The following PPP1R37 variants were observed in gnomAD, a reference collection of about 807,000 sequenced individuals.
PPP1R37 encodes leucine rich repeat containing 68.
A neutral mutation model predicts 61.0 loss-of-function variants in PPP1R37; 21 were observed. The ratio of observed to expected loss-of-function variants is 0.34; its 90% confidence interval spans 0.24 to 0.50. PPP1R37 has a LOEUF of 0.50. Ranked by LOEUF, PPP1R37 falls within the 20% of genes least tolerant of loss-of-function variation. PPP1R37 has a pLI of 0.98. For missense variants in PPP1R37, 910 were observed against 952.7 expected (o/e 0.96, Z 0.59); for synonymous variants, 443 against 433.5 (o/e 1.02, Z -0.27).
Position 45,142,063 on chromosome 19 carries a change from G to T in PPP1R37, c.570G>T (p.Thr190=). The change falls in exon 6 of 13, where the codon ACG becomes ACT. Residue 190 remains threonine, a splice_region_variant and synonymous_variant. Coordinates refer to ENST00000221462, the MANE Select transcript of PPP1R37 (RefSeq NM_019121.2). ...WQAAAHMMRK[T]SCLQYLDARN... is the part of the protein sequence containing the mutation. ...CCCCTGTCCTCTTGCCCCTGCAGAC[G>T]AGCTGCCTGCAGTATCTGGACGCCC... 6.6e-7 allele frequency: 1 copy of T among 1,514,856 alleles called. No homozygotes were observed. The highest frequency in any genetic ancestry group is 8.8e-7 in the Non-Finnish European group (1 of 1,134,322). 93.8% of individuals were successfully genotyped at this position (1,514,856 alleles called of 1,614,324 possible).
intron 1 of PPP1R37, among the ~76,000 whole-genome samples, chr19:45,102,934 T>C (rs1432331078): frequency 6.6e-6 from 1 of 152,120 alleles, no homozygotes; most frequent in Non-Finnish European, 1.5e-5. Context: ...CTGTTTCAGC[T>C]AAGAGGAGGT....
chr19:45,131,397 C>G (rs1968475206), intron 1 of PPP1R37, among the ~76,000 whole-genome samples: 1 of 152,224 alleles, frequency 6.6e-6, no homozygotes, highest in Non-Finnish European at 1.5e-5. Context: ...TCAGGCCAGA[C>G]AAGGGAGCCG....
intron 1 of PPP1R37, among the ~76,000 whole-genome samples, chr19:45,131,431 C>T (rs1273758219): frequency 2.0e-5 from 3 of 152,244 alleles, no homozygotes; most frequent in African/African-American, 7.2e-5. Flanking sequence ...GCTGTGGTTT[C>T]AGGTCAAGAC....
At chr19:45,117,372 C>T (rs531557901) in intron 1 of PPP1R37, among the ~76,000 whole-genome samples, 5 of 152,244 alleles carry the variant, frequency 3.3e-5, no homozygotes, top group East Asian at 1.9e-4. Flanking sequence ...GTGGGCGAGC[C>T]GAGGGTGAGC....
At chr19:45,094,462 C>T (rs2122701468) in intron 1 of PPP1R37, among the ~76,000 whole-genome samples, 1 of 152,186 alleles carries the variant, frequency 6.6e-6, no homozygotes, top group Middle Eastern at 3.4e-3. Context: ...TGCATTGGCT[C>T]AGGCGTGTAA....
intron 1 of PPP1R37, among the ~76,000 whole-genome samples, chr19:45,093,871 A>T (rs1032207966): frequency 1.3e-5 from 2 of 152,216 alleles, no homozygotes; most frequent in Non-Finnish European, 2.9e-5. Context: ...GAGAAGGAGC[A>T]GTTGAGAGGA....
chr19:45,140,960 C>T (rs1968603529), intron 4 of PPP1R37, among the ~76,000 whole-genome samples: 1 of 152,098 alleles, frequency 6.6e-6, no homozygotes, highest in African/African-American at 2.4e-5. Flanking sequence ...CATCAAGGCC[C>T]AAGGGCCCTC....
In PPP1R37 at chr19:45,145,829, T is replaced by TCCCCCCCCCCCCCCCCCCCCCCCCC; in HGVS notation, c.1778_1779insCCCCCCCCCCCCCCCCCCCCCCCCC (p.Ser597ProfsTer23). On this transcript the variant is annotated frameshift_variant, in exon 11 of 13. Coordinates refer to ENST00000221462, the MANE Select transcript of PPP1R37 (RefSeq NM_019121.2). LOFTEE classifies it high-confidence loss of function. ...CCCCTGCGTCCCCCACCCCTCCCTC[T>TCCCCCCCCCCCCCCCCCCCCCCCCC]CCCCCACCCCCTCCCTCCCCACCCG... The TCCCCCCCCCCCCCCCCCCCCCCCCC allele has an allele frequency of 3.8e-6, 1 of 264,294 alleles. No homozygotes were observed. Among genetic ancestry groups the TCCCCCCCCCCCCCCCCCCCCCCCCC allele is most frequent in the Non-Finnish European group, 5.3e-6 (1 of 189,628 alleles). 16.4% of individuals were successfully genotyped at this position (264,294 alleles called of 1,614,324 possible). A position where few individuals can be genotyped will look rare whatever the true frequency, so the allele number is the denominator to read the frequency against.
intron 1 of PPP1R37, chr19:45,128,645 T>G: frequency 2.4e-6 from 3 of 1,243,370 alleles, no homozygotes; most frequent in Non-Finnish European, 3.5e-6. Context: ...CAGCATTATG[T>G]AACACTGGCT....
At chr19:45,104,453 T>C (rs1968104225) in intron 1 of PPP1R37, among the ~76,000 whole-genome samples, 1 of 152,128 alleles carries the variant, frequency 6.6e-6, no homozygotes. Context: ...GCATGGGGTG[T>C]GGGGAAGGAA....
chr19:45,133,849 T>C (rs2122744657), intron 1 of PPP1R37, among the ~76,000 whole-genome samples: 1 of 152,366 alleles, frequency 6.6e-6, no homozygotes, highest in Non-Finnish European at 1.5e-5. Context: ...GGGTCCAAGC[T>C]GGCCCTGTGG....
At chr19:45,111,178 C>T (rs1352396862) in intron 1 of PPP1R37, among the ~76,000 whole-genome samples, 1 of 152,160 alleles carries the variant, frequency 6.6e-6, no homozygotes, top group Non-Finnish European at 1.5e-5. Context: ...CCCCAAGGCT[C>T]CAAGAGCTCT....
intron 1 of PPP1R37, among the ~76,000 whole-genome samples, chr19:45,113,067 G>C (rs1968221863): frequency 6.6e-6 from 1 of 152,148 alleles, no homozygotes; most frequent in South Asian, 2.1e-4. Flanking sequence ...AGAAGAGTCA[G>C]TGCCTAACTA....
chr19:45,120,308 C>G (rs1478549474), intron 1 of PPP1R37, among the ~76,000 whole-genome samples: 1 of 152,162 alleles, frequency 6.6e-6, no homozygotes, highest in Non-Finnish European at 1.5e-5. Context: ...TGAGCCACCG[C>G]ACCCGGCTTT....
chr19:45,115,091 G>T (rs532691730), intron 1 of PPP1R37, among the ~76,000 whole-genome samples: 82 of 152,288 alleles, frequency 5.4e-4, no homozygotes, highest in African/African-American at 1.9e-3. Flanking sequence ...TCCTGTACTG[G>T]GGACACAGCA....
intron 1 of PPP1R37, among the ~76,000 whole-genome samples, chr19:45,111,023 G>T (rs1968193436): frequency 6.6e-6 from 1 of 152,100 alleles, no homozygotes; most frequent in African/African-American, 2.4e-5. Context: ...TGAGGACTTG[G>T]GTGGGTGGCA....
chr19:45,128,846 C>T, intron 1 of PPP1R37: 1 of 622,644 alleles, frequency 1.6e-6, no homozygotes, highest in Non-Finnish European at 3.0e-6. Context: ...AGTTGATTGG[C>T]ATCCAGGAAG....
At chr19:45,119,725 G>C (rs537437464) in intron 1 of PPP1R37, among the ~76,000 whole-genome samples, 1 of 152,334 alleles carries the variant, frequency 6.6e-6, no homozygotes, top group East Asian at 1.9e-4. Context: ...CCCAGGATCA[G>C]ACCACTGGGA....
chr19:45,123,977 C>T (rs10405086), intron 1 of PPP1R37, among the ~76,000 whole-genome samples: 14,638 of 152,114 alleles, frequency 0.096, 871 homozygotes, highest in Admixed American at 0.14. Context: ...CTCCTCTGTC[C>T]GCTCACTCAC....
Sources: allele counts gnomAD v4.1 joint callset (sites outside exome capture counted in the v4.1 genomes callset), GRCh38; gene constraint gnomAD v4.1.1; transcripts MANE v1.5; gene names NCBI Gene and HGNC (gene_info 2026-07-23, HGNC 2026-07-21).